The following SPIDR variants were observed in gnomAD, a reference collection of about 807,000 sequenced individuals.
SPIDR encodes DNA repair-scaffolding protein.
Under a neutral mutation model 104.6 loss-of-function variants are expected in SPIDR, and 93 were observed. The observed-to-expected ratio is 0.89, with a 90% CI of 0.75 to 1.06. The LOEUF (loss-of-function observed/expected upper bound fraction) is 1.06. Ranked by LOEUF, SPIDR falls within the 50% of genes least tolerant of loss-of-function variation. SPIDR has a pLI of 0.00. For missense variants in SPIDR, 1,154 were observed against 1,111.2 expected (o/e 1.04, Z -0.55); for synonymous variants, 431 against 416.9 (o/e 1.03, Z -0.41).
chr8:47,300,129 G>A (rs1266087022), intron 5 of SPIDR, among the ~76,000 whole-genome samples: 1 of 152,128 alleles, frequency 6.6e-6, no homozygotes, highest in African/African-American at 2.4e-5. Context: ...CAATTTCAGA[G>A]CCTGTTATTG....
chr8:47,318,073 AAC>A (rs1274840804), intron 5 of SPIDR, among the ~76,000 whole-genome samples: 1 of 152,210 alleles, frequency 6.6e-6, no homozygotes, highest in Non-Finnish European at 1.5e-5. Context: ...CCTCACCAGC[AAC>A]GGAACAAAGC....
rs1554580987 is a variant in SPIDR, at chr8:47,305,733, A to T, written c.525+11703A>T. 1.5e-3 allele frequency among the ~76,000 whole-genome samples: 226 copies of T among 152,338 alleles called. 1 individual carries two copies. The highest frequency in any genetic ancestry group is 2.8e-3 in the Non-Finnish European group (188 of 68,028). ...TAATAGTGAGTTAGAATAAAATGAT[A>T]TGACTAGATGTGTACTAATTGTTAA... On this transcript the variant is annotated intron_variant, in intron 5 of 19. Coordinates refer to ENST00000297423, the MANE Select transcript of SPIDR (RefSeq NM_001080394.4).
chr8:47,350,472 C>T (rs2053271309), intron 5 of SPIDR, among the ~76,000 whole-genome samples: 1 of 152,120 alleles, frequency 6.6e-6, no homozygotes, highest in Non-Finnish European at 1.5e-5. Flanking sequence ...TGCCACCATG[C>T]CTGGCTAACT....
intron 8 of SPIDR, among the ~76,000 whole-genome samples, chr8:47,589,460 GGTTGCA>G (rs2060724284): frequency 6.6e-6 from 1 of 150,890 alleles, no homozygotes; most frequent in African/African-American, 2.4e-5. Context: ...AGGCAGAGGA[GGTTGCA>G]GTGAACCGAG....
At chr8:47,409,581 G>A (rs2063223137) in intron 7 of SPIDR, among the ~76,000 whole-genome samples, 1 of 152,124 alleles carries the variant, frequency 6.6e-6, no homozygotes, top group African/African-American at 2.4e-5. Context: ...TTCTGCACAT[G>A]CTAGAATTTA....
intron 8 of SPIDR, among the ~76,000 whole-genome samples, chr8:47,488,433 G>A (rs1314702876): frequency 6.6e-6 from 1 of 152,184 alleles, no homozygotes; most frequent in Non-Finnish European, 1.5e-5. Flanking sequence ...ACAAGGAGGA[G>A]CTGGTACCAT....
At chr8:47,359,652 C>T (rs1191436689) in intron 5 of SPIDR, among the ~76,000 whole-genome samples, 2 of 152,124 alleles carry the variant, frequency 1.3e-5, no homozygotes. Context: ...GCATTGTGCC[C>T]TATAGAGTTT....
intron 8 of SPIDR, among the ~76,000 whole-genome samples, chr8:47,515,765 A>T (rs1268378215): frequency 1.3e-5 from 2 of 152,032 alleles, no homozygotes; most frequent in East Asian, 3.9e-4. Context: ...GCAGAAATAC[A>T]TTTCCTCTGT....
At chr8:47,355,146 G>A (rs1278036966) in intron 5 of SPIDR, among the ~76,000 whole-genome samples, 1 of 151,878 alleles carries the variant, frequency 6.6e-6, no homozygotes, top group Non-Finnish European at 1.5e-5. Flanking sequence ...AGTAAAGACA[G>A]GGTTTCAGCA....
intron 10 of SPIDR, 28 bp from the exon 11 acceptor site, chr8:47,673,773 A>G (rs775044419): frequency 1.9e-6 from 3 of 1,614,010 alleles, no homozygotes; most frequent in Non-Finnish European, 1.7e-6. Flanking sequence ...CTGCCTCCTC[A>G]AAGACAAATG....
intron 1 of SPIDR, among the ~76,000 whole-genome samples, chr8:47,276,603 A>G (rs1186818728): frequency 2.0e-5 from 3 of 152,248 alleles, no homozygotes; most frequent in African/African-American, 4.8e-5. Flanking sequence ...AGGGAAAACA[A>G]TTTTGATGGA....
intron 8 of SPIDR, among the ~76,000 whole-genome samples, chr8:47,489,956 A>T (rs1211096864): frequency 1.3e-5 from 2 of 152,218 alleles, no homozygotes; most frequent in Admixed American, 1.3e-4. Flanking sequence ...GGACTCCATG[A>T]CTAAAACACC....
chr8:47,389,148 C>G (rs895963009), intron 5 of SPIDR, among the ~76,000 whole-genome samples: 2 of 152,084 alleles, frequency 1.3e-5, no homozygotes, highest in Admixed American at 1.3e-4. Context: ...TGCATTTGAC[C>G]ATTGCAGATG....
intron 10 of SPIDR, among the ~76,000 whole-genome samples, chr8:47,632,732 A>G (rs1288009364): frequency 6.6e-6 from 1 of 152,188 alleles, no homozygotes; most frequent in Non-Finnish European, 1.5e-5. Flanking sequence ...TCTTTTGTTT[A>G]GTCTTGTTTT....
intron 5 of SPIDR, among the ~76,000 whole-genome samples, chr8:47,348,504 A>G (rs2052681239): frequency 6.6e-6 from 1 of 152,094 alleles, no homozygotes; most frequent in South Asian, 2.1e-4. Context: ...TGCCTTGCGA[A>G]GTTGGGGAAG....
intron 14 of SPIDR, among the ~76,000 whole-genome samples, chr8:47,703,875 CAG>C (rs991444857): frequency 6.6e-5 from 10 of 152,106 alleles, no homozygotes; most frequent in African/African-American, 1.2e-4. Flanking sequence ...CGGTGTGTGT[CAG>C]GGAGAGGAGA....
At chr8:47,517,024 G>T (rs551979666) in intron 8 of SPIDR, among the ~76,000 whole-genome samples, 4 of 151,944 alleles carry the variant, frequency 2.6e-5, no homozygotes, top group Non-Finnish European at 5.9e-5. Context: ...ATGACTTGTC[G>T]CCCAGGCTGG....
intron 7 of SPIDR, among the ~76,000 whole-genome samples, chr8:47,430,872 G>C (rs1174600894): frequency 6.6e-6 from 1 of 152,188 alleles, no homozygotes; most frequent in African/African-American, 2.4e-5. Context: ...ATCTATAGTT[G>C]TATGAAATAA....
At chr8:47,537,999 A>AC (rs1157871060) in intron 8 of SPIDR, among the ~76,000 whole-genome samples, 2 of 151,940 alleles carry the variant, frequency 1.3e-5, no homozygotes, top group African/African-American at 4.8e-5. Context: ...AAACGGTGAA[A>AC]CCCCATCTCT....
Sources: gnomAD v4.1 joint callset for allele counts (sites outside exome capture counted in the v4.1 genomes callset) on GRCh38, gnomAD v4.1.1 for gene constraint, MANE v1.5 for transcripts, NCBI Gene and HGNC (gene_info 2026-07-23, HGNC 2026-07-21) for gene names.